The following CATSPERB variants were observed in gnomAD, a reference collection of about 807,000 sequenced individuals.
CATSPERB encodes catsper channel auxiliary subunit beta.
A neutral mutation model predicts 128.3 loss-of-function variants in CATSPERB; 93 were observed. That is an observed-to-expected ratio of 0.72 (90% confidence interval 0.61 to 0.86). The LOEUF (loss-of-function observed/expected upper bound fraction) is 0.86. Ranked by LOEUF, CATSPERB falls within the 40% of genes least tolerant of loss-of-function variation. The pLI, the probability that CATSPERB is intolerant of heterozygous loss-of-function variation, is 0.00. For missense variants in CATSPERB, 1,153 were observed against 1,329.5 expected, an observed-to-expected ratio of 0.87 and a Z score of 2.06; for synonymous variants, 381 against 448.8, an observed-to-expected ratio of 0.85 and a Z score of 1.91.
At chr14:91,667,381 A>T (rs1438750077) in intron 14 of CATSPERB, among the ~76,000 whole-genome samples, 1 of 152,232 alleles carries the variant, frequency 6.6e-6, no homozygotes, top group East Asian at 1.9e-4. Context: ...GAAAGAGACA[A>T]AGAGACAGAA....
At chr14:91,711,611 G>GA (rs1895841037) in intron 5 of CATSPERB, among the ~76,000 whole-genome samples, 1 of 152,072 alleles carries the variant, frequency 6.6e-6, no homozygotes, top group African/African-American at 2.4e-5. Context: ...GTGAAAGGAT[G>GA]AAAAAATATG....
In CATSPERB at chr14:91,674,225, G is replaced by A; in HGVS notation, c.932-3C>T. 1 of 1,532,940 alleles carries A rather than the reference G, an allele frequency of 6.5e-7. No homozygotes were observed. The highest frequency in any genetic ancestry group is 1.8e-5 in the Admixed American group (1 of 56,326). 95.0% of individuals were successfully genotyped at this position (1,532,940 alleles called of 1,614,324 possible). A position where few individuals can be genotyped will look rare whatever the true frequency, so the allele number is the denominator to read the frequency against. ...AAAGGTAACTGTAACATAATCAACT[G>A]TGAAATAAATACAAGGGTACAGGAA... is the stretch of plus-strand genomic sequence containing the variant. On this transcript the variant is annotated splice_polypyrimidine_tract_variant and splice_region_variant and intron_variant, in intron 11 of 26. Transcript: ENST00000256343.
intron 11 of CATSPERB, 68 bp from the exon 12 acceptor site, chr14:91,674,290 T>C: frequency 2.3e-6 from 2 of 853,078 alleles, no homozygotes; most frequent in Non-Finnish European, 3.8e-6. Flanking sequence ...GAAGGGTTAG[T>C]CTTAATAGTC....
chr14:91,730,609 T>A (rs2139786913), intron 1 of CATSPERB, among the ~76,000 whole-genome samples: 1 of 152,312 alleles, frequency 6.6e-6, no homozygotes, highest in Non-Finnish European at 1.5e-5. Flanking sequence ...CTGCTTTTGC[T>A]ATTAGTAATA....
At chr14:91,699,998 T>C (rs1205547177) in intron 7 of CATSPERB, among the ~76,000 whole-genome samples, 3 of 152,172 alleles carry the variant, frequency 2.0e-5, no homozygotes, top group African/African-American at 7.2e-5. Context: ...GTTTTTTGCA[T>C]AGGTGTACAT....
chr14:91,701,083 T>C (rs2139852040), intron 7 of CATSPERB, among the ~76,000 whole-genome samples: 1 of 152,234 alleles, frequency 6.6e-6, no homozygotes, highest in South Asian at 2.1e-4. Flanking sequence ...GCATGGATCA[T>C]CCATATGGAT....
chr14:91,667,492 A>G (rs1210847638), intron 14 of CATSPERB, among the ~76,000 whole-genome samples: 1 of 152,250 alleles, frequency 6.6e-6, no homozygotes, highest in Non-Finnish European at 1.5e-5. Context: ...CTATTCCTTT[A>G]AAAGGCAGGG....
chr14:91,616,711 TCTTATTATTTAAAGTATTCCC>T (rs766669029), intron 20 of CATSPERB, among the ~76,000 whole-genome samples: 37 of 151,266 alleles, frequency 2.4e-4, no homozygotes, highest in Non-Finnish European at 4.6e-4. Context: ...CTAATGAATT[TCTTATTATTTAAAGTATTCCC>T]CTTTTTTTTT....
At chr14:91,693,351 T>C in intron 8 of CATSPERB, 33 bp downstream of exon 8, 1 of 1,576,956 alleles carries the variant, frequency 6.3e-7, no homozygotes, top group South Asian at 1.1e-5. Flanking sequence ...GTAAGTAAAA[T>C]GCTCAAGATG....
intron 11 of CATSPERB, among the ~76,000 whole-genome samples, chr14:91,683,656 C>T (rs1895324739): frequency 6.6e-6 from 1 of 152,112 alleles, no homozygotes; most frequent in East Asian, 1.9e-4. Context: ...AGCCTATGTT[C>T]CAGGTGGAGC....
chr14:91,691,705 T>C, intron 9 of CATSPERB, 150 bp from the exon 10 acceptor site: 1 of 539,422 alleles, frequency 1.9e-6, no homozygotes, highest in Non-Finnish European at 3.2e-6. Context: ...ATCCTAGCAG[T>C]TAGGATAGCC....
intron 7 of CATSPERB, among the ~76,000 whole-genome samples, chr14:91,700,794 C>A (rs532095155): frequency 6.6e-6 from 1 of 151,906 alleles, no homozygotes; most frequent in Non-Finnish European, 1.5e-5. Flanking sequence ...AGTATGGCGA[C>A]AATAGACACT....
chr14:91,693,532 A>C, intron 7 of CATSPERB, 53 bp from the exon 8 acceptor site: 1 of 1,347,370 alleles, frequency 7.4e-7, no homozygotes, highest in African/African-American at 1.4e-5. Flanking sequence ...AAGGTGAGTC[A>C]CCTTCAGGGG....
Position 91,670,185 on chromosome 14 carries a change from T to C in CATSPERB, c.1129-213A>G, listed in dbSNP as rs9323862. Among the ~76,000 whole-genome samples the C allele has an allele frequency of 3.9e-3, 598 of 152,342 alleles. 9 individuals are homozygous for C. The highest frequency in any genetic ancestry group is 0.013 in the African/African-American group (558 of 41,576). ...TTGTTGAAAATGAAGTTTAGGAGAT[T>C]AAATAACTTGTTGAAAGCTCTATAA... On this transcript the variant is annotated intron_variant, in intron 13 of 26. Transcript: ENST00000256343.
At chr14:91,725,576 T>C (rs1896107761) in intron 2 of CATSPERB, among the ~76,000 whole-genome samples, 1 of 152,168 alleles carries the variant, frequency 6.6e-6, no homozygotes, top group Non-Finnish European at 1.5e-5. Flanking sequence ...TTACTTACCT[T>C]GTGTCTGAGG....
At chr14:91,704,523 G>A (rs773659843) in intron 7 of CATSPERB, 29 bp downstream of exon 7, 10 of 1,574,814 alleles carry the variant, frequency 6.3e-6, no homozygotes, top group African/African-American at 2.7e-5. Context: ...AAAGGCCAAT[G>A]TCAACATTTA....
chr14:91,707,990 T>C (rs1566737052), intron 6 of CATSPERB, 151 bp downstream of exon 6: 3 of 631,134 alleles, frequency 4.8e-6, no homozygotes, highest in East Asian at 2.9e-5. Context: ...TCCTATCAGA[T>C]TGTGAGTGCC....
In CATSPERB at chr14:91,693,144, T is replaced by C. The variant is rs1895498667; in HGVS notation, c.813A>G (p.Pro271=). ...GLFVSEDLRY[P]SRHSLSFSRA... ...TACATACCGATAAGCTGTGGCGTGATGGATAACGAAGATCTTCACTTACAA... is the reference window on the plus strand; with the variant it reads ...TACATACCGATAAGCTGTGGCGTGACGGATAACGAAGATCTTCACTTACAA... The change falls in exon 9 of 27, where the codon CCA becomes CCG. Residue 271 remains proline, a synonymous_variant. Transcript: ENST00000256343. 6.2e-7 allele frequency: 1 copy of C among 1,612,142 alleles called. No individual in the cohort carries two copies. Among genetic ancestry groups the C allele is most frequent in the Middle Eastern group, 1.7e-4 (1 of 5,858 alleles).
chr14:91,588,179 C>T (rs1287620103), intron 24 of CATSPERB, 101 bp from the exon 25 acceptor site: 35 of 691,394 alleles, frequency 5.1e-5, no homozygotes, highest in Non-Finnish European at 8.3e-5. Flanking sequence ...TTTTAATTTA[C>T]TATTACTATT....
Sources: allele counts gnomAD v4.1 joint callset (sites outside exome capture counted in the v4.1 genomes callset), GRCh38; gene constraint gnomAD v4.1.1; transcripts MANE v1.5; gene names NCBI Gene and HGNC (gene_info 2026-07-23, HGNC 2026-07-21).